The following PDE8B variants were observed in gnomAD, a reference collection of about 807,000 sequenced individuals.
The protein encoded by PDE8B is phosphodiesterase 8B.
Under a neutral mutation model 101.3 loss-of-function variants are expected in PDE8B, and 26 were observed. The ratio of observed to expected loss-of-function variants is 0.26; its 90% CI spans 0.19 to 0.36. The LOEUF is 0.36. Among genes scored for constraint, PDE8B ranks in the 10% least tolerant of loss-of-function variants. PDE8B has a pLI of 1.00. For missense variants in PDE8B, 810 were observed against 1,163.1 expected (o/e 0.70, Z 4.42); for synonymous variants, 424 against 429.3 (o/e 0.99, Z 0.15).
chr5:77,397,365 T>A (rs1203380650), intron 10 of PDE8B, among the ~76,000 whole-genome samples: 44 of 152,150 alleles, frequency 2.9e-4, no homozygotes, highest in Admixed American at 2.9e-3. Flanking sequence ...ATTAGAGCTC[T>A]GTCATATATT....
At chr5:77,104,789 T>G in the PDE8B span, 1 of 152,208 alleles carries the variant, frequency 6.6e-6, no homozygotes, top group South Asian at 2.1e-4. Flanking sequence ...TTGGTTTGAG[T>G]GAATCTTTTT....
At chr5:77,275,856 G>A (rs1763760802) in intron 1 of PDE8B, among the ~76,000 whole-genome samples, 1 of 152,166 alleles carries the variant, frequency 6.6e-6, no homozygotes. Context: ...AAGCTTAAAA[G>A]TAATTGTTAT....
intron 10 of PDE8B, among the ~76,000 whole-genome samples, chr5:77,394,315 C>T (rs1286661074): frequency 6.6e-6 from 1 of 152,116 alleles, no homozygotes; most frequent in Non-Finnish European, 1.5e-5. Context: ...GTTTCAGAGT[C>T]AGTCCTAGGG....
At chr5:77,100,719 TGGTTAGA>T in the PDE8B span, among the ~76,000 whole-genome samples, 1 of 152,128 alleles carries the variant, frequency 6.6e-6, no homozygotes, top group South Asian at 2.1e-4. Flanking sequence ...GTGGTATGAC[TGGTTAGA>T]GTGGACATCT....
chr5:77,308,447 G>C (rs886195992), intron 1 of PDE8B, among the ~76,000 whole-genome samples: 1 of 152,132 alleles, frequency 6.6e-6, no homozygotes, highest in Non-Finnish European at 1.5e-5. Context: ...GAGAGGCAGG[G>C]GTTTGGAGAA....
intron 10 of PDE8B, among the ~76,000 whole-genome samples, chr5:77,359,459 C>T (rs1232560458): frequency 6.6e-6 from 1 of 152,228 alleles, no homozygotes; most frequent in Non-Finnish European, 1.5e-5. Flanking sequence ...GCCCGCAGGA[C>T]AGCAGGCTGG....
the PDE8B span, among the ~76,000 whole-genome samples, chr5:77,128,508 C>T: frequency 1.3e-5 from 2 of 152,196 alleles, no homozygotes; most frequent in African/African-American, 4.8e-5. Flanking sequence ...TTTCCACAGG[C>T]ATCACAGACT....
intron 10 of PDE8B, among the ~76,000 whole-genome samples, chr5:77,398,743 C>T (rs751470975): frequency 1.3e-5 from 2 of 152,254 alleles, no homozygotes; most frequent in Non-Finnish European, 2.9e-5. Context: ...TTCACCGTCA[C>T]TCTAAACCCG....
the PDE8B span, among the ~76,000 whole-genome samples, chr5:77,186,269 G>T: frequency 1.3e-5 from 2 of 152,138 alleles, no homozygotes; most frequent in African/African-American, 2.4e-5. Context: ...AACAGCCTAC[G>T]CATATTAAAG....
intron 10 of PDE8B, among the ~76,000 whole-genome samples, chr5:77,357,878 C>T (rs1782387365): frequency 6.6e-6 from 1 of 152,214 alleles, no homozygotes; most frequent in South Asian, 2.1e-4. Context: ...TTTTCCCATC[C>T]AGTCCTTACA....
At chr5:77,341,000 T>C (rs980503619) in intron 6 of PDE8B, among the ~76,000 whole-genome samples, 1 of 152,184 alleles carries the variant, frequency 6.6e-6, no homozygotes, top group Non-Finnish European at 1.5e-5. Flanking sequence ...TTTCTAGTTT[T>C]CCAACTTTTT....
chr5:77,291,462 G>A, intron 1 of PDE8B: 1 of 1,611,184 alleles, frequency 6.2e-7, no homozygotes, highest in Non-Finnish European at 8.5e-7. Flanking sequence ...TGCACACACA[G>A]AGACTTTTGC....
the PDE8B span, among the ~76,000 whole-genome samples, chr5:77,134,771 A>G: frequency 6.6e-6 from 1 of 152,218 alleles, no homozygotes; most frequent in Non-Finnish European, 1.5e-5. Flanking sequence ...TGGATAGTGC[A>G]GGTAGGAGAA....
chr5:77,254,188 A>G (rs1037707435), intron 1 of PDE8B, among the ~76,000 whole-genome samples: 1 of 152,156 alleles, frequency 6.6e-6, no homozygotes, highest in Non-Finnish European at 1.5e-5. Context: ...ATTATATATG[A>G]TGGAACTCCT....
chr5:77,296,236 C>G (rs547728376), intron 1 of PDE8B, among the ~76,000 whole-genome samples: 1 of 149,314 alleles, frequency 6.7e-6, no homozygotes, highest in Admixed American at 6.7e-5. Context: ...CTTCGTTTTC[C>G]TCTTCTTCTT....
the PDE8B span, among the ~76,000 whole-genome samples, chr5:77,190,114 A>C: frequency 1.3e-5 from 2 of 152,250 alleles, no homozygotes; most frequent in Non-Finnish European, 2.9e-5. Flanking sequence ...TCCTTTGCCC[A>C]TGTTCTTATT....
chr5:77,352,583 A>G (rs1266733112), intron 9 of PDE8B, among the ~76,000 whole-genome samples: 1 of 152,234 alleles, frequency 6.6e-6, no homozygotes, highest in African/African-American at 2.4e-5. Context: ...GAAGTTTATT[A>G]CAGAGTAACC....
chr5:77,255,533 T>C (rs1196955840), intron 1 of PDE8B, among the ~76,000 whole-genome samples: 3 of 152,224 alleles, frequency 2.0e-5, no homozygotes, highest in African/African-American at 7.2e-5. Flanking sequence ...GGCTCACACA[T>C]GAGCCTGCCT....
chr5:77,423,632 G>GTTTTTTTGTTTTTTTTTTT (rs1797211270), intron 20 of PDE8B, among the ~76,000 whole-genome samples: 1 of 74,042 alleles, frequency 1.4e-5, no homozygotes, highest in African/African-American at 5.2e-5. Flanking sequence ...GTTTTGTTTA[G>GTTTTTTTGTTTTTTTTTTT]TTTTTTTTTT....
Sources: allele counts gnomAD v4.1 joint callset (sites outside exome capture counted in the v4.1 genomes callset), GRCh38; gene constraint gnomAD v4.1.1; transcripts MANE v1.5; gene names NCBI Gene and HGNC (gene_info 2026-07-23, HGNC 2026-07-21).